MDGA2: variants seen among roughly 807,000 people sequenced by gnomAD.
MDGA2 encodes the protein MAM domain containing glycosylphosphatidylinositol anchor 2.
Under a neutral mutation model 117.8 loss-of-function variants are expected in MDGA2, and 40 were observed. The observed-to-expected ratio is 0.34, with a 90% CI of 0.26 to 0.44. The LOEUF is 0.44. Among genes scored for constraint, MDGA2 ranks in the 20% least tolerant of loss-of-function variants. The pLI is 1.00. For synonymous variants in MDGA2, 452 were observed against 439.0 expected (o/e 1.03, Z -0.37); for missense variants, 1,123 against 1,250.6 (o/e 0.90, Z 1.54).
At chr14:47,199,171 A>T (rs1885398719) in intron 3 of MDGA2, among the ~76,000 whole-genome samples, 1 of 151,628 alleles carries the variant, frequency 6.6e-6, no homozygotes, top group Non-Finnish European at 1.5e-5. Flanking sequence ...CTTAAAATAA[A>T]TCTCCTCCTC....
intron 2 of MDGA2, among the ~76,000 whole-genome samples, chr14:47,226,259 AAATG>A (rs571399566): frequency 1.1e-3 from 157 of 149,218 alleles, no homozygotes; most frequent in African/African-American, 3.0e-3. Context: ...ATAAATAAAT[AAATG>A]GGAGGAGTCT....
chr14:47,436,013 C>T (rs911264311), intron 1 of MDGA2, among the ~76,000 whole-genome samples: 1 of 152,000 alleles, frequency 6.6e-6, no homozygotes, highest in East Asian at 1.9e-4. Flanking sequence ...CGCTTTTAGT[C>T]AGAGAGGCCA....
chr14:47,353,890 G>A (rs1046191530), intron 1 of MDGA2, among the ~76,000 whole-genome samples: 1 of 151,982 alleles, frequency 6.6e-6, no homozygotes, highest in Non-Finnish European at 1.5e-5. Flanking sequence ...ATGAATAAAG[G>A]TACAAAAATC....
Position 47,564,613 on chromosome 14 carries a change from T to C in MDGA2, c.280+109904A>G, listed in dbSNP as rs528815494. Among the ~76,000 whole-genome samples the C allele has an allele frequency of 2.6e-5, 4 of 152,322 alleles. No individual in the cohort carries two copies. In the South Asian group the frequency reaches 8.3e-4, roughly 32 times the overall value. On this transcript the variant is annotated intron_variant, in intron 1 of 16. Transcript: ENST00000399232. ...ACATGTGAGAATTATGGAAGTTCAA[T>C]TCAAGATCAGATTTGGGTGGGGACA...
intron 1 of MDGA2, among the ~76,000 whole-genome samples, chr14:47,586,679 G>C (rs1489004712): frequency 6.6e-6 from 1 of 151,874 alleles, no homozygotes; most frequent in Non-Finnish European, 1.5e-5. Flanking sequence ...GGGTATGTCT[G>C]TCCCCAAGCA....
At chr14:47,651,213 G>GGTGTGTGTGTGTGTGTGTGTGT (rs56853118) in intron 1 of MDGA2, among the ~76,000 whole-genome samples, 1 of 146,416 alleles carries the variant, frequency 6.8e-6, no homozygotes, top group South Asian at 2.2e-4. Context: ...GTGTGCATGT[G>GGTGTGTGTGTGTGTGTGTGTGT]GTGTGTGTGT....
intron 1 of MDGA2, among the ~76,000 whole-genome samples, chr14:47,309,232 A>G (rs1305346262): frequency 6.6e-6 from 1 of 152,154 alleles, no homozygotes; most frequent in Non-Finnish European, 1.5e-5. Context: ...AGATCATTTT[A>G]TTTGTTTGAT....
chr14:47,281,914 G>T (rs767596508), intron 2 of MDGA2, among the ~76,000 whole-genome samples: 6 of 151,924 alleles, frequency 3.9e-5, no homozygotes, highest in African/African-American at 9.7e-5. Flanking sequence ...AAAATTAGTC[G>T]GGTGTGGCGG....
chr14:47,592,598 T>C (rs1462152782), intron 1 of MDGA2, among the ~76,000 whole-genome samples: 6 of 152,144 alleles, frequency 3.9e-5, no homozygotes, highest in Non-Finnish European at 8.8e-5. Context: ...TACAACAATC[T>C]GATCTTCGAC....
intron 9 of MDGA2, among the ~76,000 whole-genome samples, chr14:46,950,065 A>C (rs908163807): frequency 6.6e-5 from 10 of 151,988 alleles, no homozygotes; most frequent in Non-Finnish European, 1.2e-4. Context: ...TTTAAGTATG[A>C]TATGAAATAT....
intron 1 of MDGA2, among the ~76,000 whole-genome samples, chr14:47,621,562 A>C (rs1426063195): frequency 6.6e-6 from 1 of 152,124 alleles, no homozygotes; most frequent in Non-Finnish European, 1.5e-5. Context: ...AGCAAACAGC[A>C]TCTCTTCATA....
At chr14:47,463,267 T>A (rs33946141) in intron 1 of MDGA2, among the ~76,000 whole-genome samples, 48,282 of 152,038 alleles carry the variant, frequency 0.32, 8,194 homozygotes, top group East Asian at 0.59. Flanking sequence ...CTATCTACAA[T>A]TTCCTGCTAG....
At chr14:47,301,013 T>C (rs1889260186) in intron 2 of MDGA2, among the ~76,000 whole-genome samples, 1 of 152,144 alleles carries the variant, frequency 6.6e-6, no homozygotes, top group African/African-American at 2.4e-5. Flanking sequence ...TCAGAACAAA[T>C]ACCTCTCGGT....
At chr14:47,050,365 A>T (rs1889414337) in intron 7 of MDGA2, among the ~76,000 whole-genome samples, 1 of 152,050 alleles carries the variant, frequency 6.6e-6, no homozygotes, top group African/African-American at 2.4e-5. Flanking sequence ...AGAATGTAAG[A>T]AGCATTCCAA....
chr14:47,619,310 G>T (rs1195859614), intron 1 of MDGA2, among the ~76,000 whole-genome samples: 9 of 152,072 alleles, frequency 5.9e-5, no homozygotes, highest in African/African-American at 2.2e-4. Flanking sequence ...AATAAAAATT[G>T]TACTCTTTAT....
At chr14:47,094,555 T>G (rs1879853561) in intron 6 of MDGA2, among the ~76,000 whole-genome samples, 1 of 152,050 alleles carries the variant, frequency 6.6e-6, no homozygotes, top group African/African-American at 2.4e-5. Context: ...TTATGAAAAT[T>G]AAATTCAATG....
At chr14:47,173,986 T>C (rs1044811009) in intron 3 of MDGA2, among the ~76,000 whole-genome samples, 1 of 152,004 alleles carries the variant, frequency 6.6e-6, no homozygotes, top group Non-Finnish European at 1.5e-5. Flanking sequence ...AAAAAAGGCA[T>C]GGGTTGCAAT....
chr14:47,418,179 T>G (rs529201708), intron 1 of MDGA2, among the ~76,000 whole-genome samples: 1 of 152,226 alleles, frequency 6.6e-6, no homozygotes, highest in East Asian at 1.9e-4. Flanking sequence ...CAGGTTCAAA[T>G]GATTCTCCTG....
chr14:47,396,022 A>C (rs181340171), intron 1 of MDGA2, among the ~76,000 whole-genome samples: 10 of 152,304 alleles, frequency 6.6e-5, no homozygotes, highest in African/African-American at 2.4e-4. Context: ...TATGTGTTTC[A>C]TAAGTGTTGG....
Sources: allele counts gnomAD v4.1 joint callset (sites outside exome capture counted in the v4.1 genomes callset), GRCh38; gene constraint gnomAD v4.1.1; transcripts MANE v1.5; gene names NCBI Gene and HGNC (gene_info 2026-07-23, HGNC 2026-07-21).